ADRA1A: variants seen among roughly 807,000 people sequenced by gnomAD.
ADRA1A encodes alpha-1A adrenergic receptor.
A neutral mutation model predicts 29.6 loss-of-function variants in ADRA1A; 31 were observed. That is an observed-to-expected ratio of 1.05 (90% CI 0.79 to 1.41). The LOEUF (loss-of-function observed/expected upper bound fraction) is 1.41, where lower values mean the gene tolerates loss of function less well. Ranked by LOEUF, ADRA1A falls within the 40% of genes most tolerant of loss-of-function variation. The pLI is 0.00. For synonymous variants in ADRA1A, 311 were observed against 254.3 expected (o/e 1.22, Z -2.12); for missense variants, 619 against 601.1 (o/e 1.03, Z -0.31).
intron 2 of ADRA1A, among the ~76,000 whole-genome samples, chr8:26,750,812 A>G (rs1804890836): frequency 6.6e-6 from 1 of 152,206 alleles, no homozygotes; most frequent in African/African-American, 2.4e-5. Flanking sequence ...GCTCACGCCT[A>G]TAGCCCCAGC....
At chr8:26,800,733 G>A (rs181763728) in intron 2 of ADRA1A, among the ~76,000 whole-genome samples, 247 of 152,180 alleles carry the variant, frequency 1.6e-3, no homozygotes, top group African/African-American at 5.8e-3. Context: ...TAGAAGAAGA[G>A]GGAATGCTTC....
chr8:26,855,925 C>G (rs1295198974), intron 2 of ADRA1A, among the ~76,000 whole-genome samples: 1 of 152,162 alleles, frequency 6.6e-6, no homozygotes, highest in Admixed American at 6.6e-5. Flanking sequence ...CATGAGGTGA[C>G]AGAACACAGC....
At chr8:26,854,919 G>T (rs895998320) in intron 2 of ADRA1A, among the ~76,000 whole-genome samples, 1 of 152,148 alleles carries the variant, frequency 6.6e-6, no homozygotes, top group African/African-American at 2.4e-5. Context: ...AGGCCCCAGG[G>T]AGCTGCCTCA....
chr8:26,779,628 G>T (rs1223738043), intron 2 of ADRA1A, among the ~76,000 whole-genome samples: 1 of 152,114 alleles, frequency 6.6e-6, no homozygotes, highest in African/African-American at 2.4e-5. Flanking sequence ...GAGGTTTTGG[G>T]GAAGGCTTTG....
intron 2 of ADRA1A, among the ~76,000 whole-genome samples, chr8:26,757,518 A>T (rs73678226): frequency 1.4e-5 from 2 of 148,092 alleles, no homozygotes. Flanking sequence ...CATTTCCCCC[A>T]CCCCCCACCT....
At chr8:26,851,493 T>A (rs1344050973) in intron 2 of ADRA1A, among the ~76,000 whole-genome samples, 1 of 152,136 alleles carries the variant, frequency 6.6e-6, no homozygotes, top group Admixed American at 6.5e-5. Flanking sequence ...TCACAATAAA[T>A]GAAAATTAGT....
In ADRA1A at chr8:26,864,144, T is replaced by C; in HGVS notation, c.826A>G (p.Ile276Val). Reference protein sequence around the residue: ...REKKAAKTLGIVVGCFVLCWL... With the variant: ...REKKAAKTLGVVVGCFVLCWL... Reference sequence around the variant, plus strand: ...CAGAGGACGAAGCAGCCGACCACGATGCCCAGCGTTTTGGCCGCTTTCTTC... The same window carrying C: ...CAGAGGACGAAGCAGCCGACCACGACGCCCAGCGTTTTGGCCGCTTTCTTC... Residue 276 changes from isoleucine (I) to valine (V), a missense_variant, in exon 2 of 3, where the codon ATC (isoleucine) becomes GTC (valine). Coordinates refer to ENST00000380573, the MANE Select transcript of ADRA1A (RefSeq NM_000680.4). The surrounding 1 kb of genome is among the most constrained non-coding windows in gnomAD (Gnocchi z 8.1). 1.2e-6 allele frequency: 2 copies of C among 1,614,142 alleles called. No homozygotes were observed.
chr8:26,750,848 T>A (rs1398472011), intron 2 of ADRA1A, among the ~76,000 whole-genome samples: 12 of 152,178 alleles, frequency 7.9e-5, no homozygotes, highest in Non-Finnish European at 1.8e-4. Flanking sequence ...GGCGGGCAGA[T>A]CACCTGAGGT....
intron 2 of ADRA1A, among the ~76,000 whole-genome samples, chr8:26,810,988 G>A (rs1809342771): frequency 6.6e-6 from 1 of 152,174 alleles, no homozygotes; most frequent in Non-Finnish European, 1.5e-5. Context: ...TGTTCAACCA[G>A]CTTTGGAAGT....
At chr8:26,804,964 C>G (rs1168272377) in intron 2 of ADRA1A, among the ~76,000 whole-genome samples, 1 of 152,078 alleles carries the variant, frequency 6.6e-6, no homozygotes, top group African/African-American at 2.4e-5. Context: ...CGGAGTCAGT[C>G]TCTCTCTCTC....
intron 2 of ADRA1A, among the ~76,000 whole-genome samples, chr8:26,847,539 C>T (rs374288779): frequency 6.6e-6 from 1 of 152,236 alleles, no homozygotes; most frequent in Non-Finnish European, 1.5e-5. Flanking sequence ...AACTAAACTA[C>T]GCAGTCCACT....
intron 2 of ADRA1A, among the ~76,000 whole-genome samples, chr8:26,833,730 A>G (rs1585791795): frequency 6.6e-6 from 1 of 152,242 alleles, no homozygotes; most frequent in South Asian, 2.1e-4. Flanking sequence ...TGTCTTTCAT[A>G]CTTCTCTGAA....
At chr8:26,766,413 T>TTAATCACATTCCAGGCCA (rs1805792113), downstream of ADRA1A, among the ~76,000 whole-genome samples, 1 of 152,174 alleles carries the variant, frequency 6.6e-6, no homozygotes, top group Non-Finnish European at 1.5e-5. Context: ...TTGCAAGGCC[T>TTAATCACATTCCAGGCCA]TAATCACATT....
At chr8:26,859,778 T>C (rs140161360) in intron 2 of ADRA1A, among the ~76,000 whole-genome samples, 5,958 of 151,838 alleles carry the variant, frequency 0.039, 185 homozygotes, top group Non-Finnish European at 0.06. Flanking sequence ...TTTCTTTTTT[T>C]TTTTTTTTTA....
intron 2 of ADRA1A, among the ~76,000 whole-genome samples, chr8:26,814,402 A>C (rs1809623811): frequency 6.6e-6 from 1 of 152,120 alleles, no homozygotes; most frequent in South Asian, 2.1e-4. Flanking sequence ...CTGAGACTTC[A>C]GGTGTGAGCC....
intron 2 of ADRA1A, among the ~76,000 whole-genome samples, chr8:26,781,433 A>T (rs781277995): frequency 2.0e-5 from 3 of 152,206 alleles, no homozygotes; most frequent in African/African-American, 7.2e-5. Flanking sequence ...CCAATAGATG[A>T]CATTGGTTGA....
At chr8:26,756,811 TA>T in intron 2 of ADRA1A, 1 of 1,603,450 alleles carries the variant, frequency 6.2e-7, no homozygotes, top group African/African-American at 1.3e-5. Context: ...AACATTTAAT[TA>T]ATCATGCATT....
chr8:26,828,453 C>T (rs1810745054), intron 2 of ADRA1A, among the ~76,000 whole-genome samples: 1 of 152,142 alleles, frequency 6.6e-6, no homozygotes. Context: ...AAACACTACA[C>T]ACCTAGAAGG....
chr8:26,756,044 C>T (rs992763004), downstream of ADRA1A, among the ~76,000 whole-genome samples: 1 of 152,140 alleles, frequency 6.6e-6, no homozygotes, highest in Non-Finnish European at 1.5e-5. Flanking sequence ...CCTTGCCTGC[C>T]ATTCTTATTT....
Sources: gnomAD v4.1 joint callset for allele counts (sites outside exome capture counted in the v4.1 genomes callset) on GRCh38, gnomAD v4.1.1 for gene constraint, Gnocchi (gnomAD v3.1) non-coding constraint, MANE v1.5 for transcripts, NCBI Gene and HGNC (gene_info 2026-07-23, HGNC 2026-07-21) for gene names.